Variants in NCAM2 observed in about 807,000 individuals in gnomAD.
NCAM2 encodes the protein neural cell adhesion molecule 2, also known as N-CAM-2.
Under a neutral mutation model 98.1 loss-of-function variants are expected in NCAM2, and 30 were observed. The ratio of observed to expected loss-of-function variants is 0.31; its 90% CI spans 0.23 to 0.41. The LOEUF is 0.41. Ranked by LOEUF, NCAM2 falls within the 10% of genes least tolerant of loss-of-function variation. NCAM2 has a pLI of 1.00. For missense variants in NCAM2, 867 were observed against 1,005.8 expected, an observed-to-expected ratio of 0.86 and a Z score of 1.87; for synonymous variants, 368 against 342.4, an observed-to-expected ratio of 1.07 and a Z score of -0.83.
chr21:21,147,390 G>A (rs765434623), intron 1 of NCAM2: 1 of 563,742 alleles, frequency 1.8e-6, no homozygotes, highest in Non-Finnish European at 2.2e-6. Flanking sequence ...GAGTGACTCA[G>A]TCACTTCACT....
intron 1 of NCAM2, among the ~76,000 whole-genome samples, chr21:21,161,360 T>C (rs180717241): frequency 2.1e-3 from 321 of 152,148 alleles, no homozygotes; most frequent in African/African-American, 7.4e-3. Flanking sequence ...TATTATTTCA[T>C]GTATTTGTTC....
At chr21:21,197,958 A>T (rs1189293545) in intron 1 of NCAM2, among the ~76,000 whole-genome samples, 1 of 152,146 alleles carries the variant, frequency 6.6e-6, no homozygotes, top group African/African-American at 2.4e-5. Context: ...ATGACTGGAG[A>T]TATAACCAGT....
At chr21:21,360,897 C>G (rs2075628530) in intron 8 of NCAM2, among the ~76,000 whole-genome samples, 1 of 151,986 alleles carries the variant, frequency 6.6e-6, no homozygotes. Flanking sequence ...GGTTCATTTT[C>G]TTGACCACTG....
Position 20,998,455 on chromosome 21 carries a change from G to A in NCAM2, c.-109G>A. The A allele has an allele frequency of 9.2e-7, 1 of 1,082,266 alleles. No individual in the cohort carries two copies. The highest frequency in any genetic ancestry group is 1.3e-6 in the Non-Finnish European group (1 of 758,242). 67.0% of individuals were successfully genotyped at this position (1,082,266 alleles called of 1,614,324 possible). ...GGGCTGCGGGCGGCTGGGGCACCGC[G>A]GGAGCGGCGGCGGCGGCTCTAGCAG... On this transcript the variant is annotated 5_prime_UTR_variant, in exon 1 of 18. Transcript: ENST00000400546.
chr21:21,290,937 C>T (rs370984579), intron 4 of NCAM2, among the ~76,000 whole-genome samples: 3 of 151,802 alleles, frequency 2.0e-5, no homozygotes, highest in East Asian at 1.9e-4. Context: ...ATCCTTTCCA[C>T]GATCAGGCTG....
At chr21:21,029,643 T>A (rs1316154267) in intron 1 of NCAM2, among the ~76,000 whole-genome samples, 1 of 152,150 alleles carries the variant, frequency 6.6e-6, no homozygotes, top group Non-Finnish European at 1.5e-5. Flanking sequence ...TTATTTTTTA[T>A]TTTTTTGAGA....
intron 1 of NCAM2, chr21:21,146,970 C>A: frequency 1.7e-6 from 1 of 595,192 alleles, no homozygotes; most frequent in Non-Finnish European, 2.1e-6. Context: ...CCTTCTACTC[C>A]GGAACTCAGA....
intron 4 of NCAM2, 36 bp downstream of exon 4, chr21:21,286,448 T>G (rs2073104876): frequency 1.6e-5 from 25 of 1,572,908 alleles, no homozygotes; most frequent in Non-Finnish European, 2.2e-5. Flanking sequence ...TTATATGTTC[T>G]AATACTATTG....
In NCAM2 at chr21:21,510,189, A is replaced by G. The variant is rs558076438; in HGVS notation, c.2282+1134A>G. 4.6e-5 allele frequency among the ~76,000 whole-genome samples: 7 copies of G among 152,306 alleles called. No individual in the cohort carries two copies. In the South Asian group the frequency reaches 1.2e-3, roughly 27 times the overall value. ...TACATACAGTCTAAAAGGTGTTTAC[A>G]TTTATGTAAGTAAAGCCACAGAATA... On this transcript the variant is annotated intron_variant, in intron 16 of 17. Transcript: ENST00000400546.
chr21:21,211,198 C>T (rs981979899), intron 1 of NCAM2, among the ~76,000 whole-genome samples: 8 of 152,168 alleles, frequency 5.3e-5, no homozygotes, highest in African/African-American at 1.9e-4. Context: ...CGAATACGAA[C>T]TTAGCAGTTC....
At chr21:21,423,011 A>G (rs2077142289) in intron 11 of NCAM2, among the ~76,000 whole-genome samples, 1 of 152,136 alleles carries the variant, frequency 6.6e-6, no homozygotes, top group African/African-American at 2.4e-5. Context: ...TCATTACCCT[A>G]CATTTTAAAT....
At position 21,538,028 on chromosome 21, in the gene NCAM2, A is replaced by C; in HGVS notation, c.*71A>C. 1 of 816,790 alleles carries C rather than the reference A, an allele frequency of 1.2e-6. No individual in the cohort carries two copies. The highest frequency in any genetic ancestry group is 1.9e-6 in the Non-Finnish European group (1 of 537,224). 50.6% of individuals were successfully genotyped at this position (816,790 alleles called of 1,614,324 possible). A position where few individuals can be genotyped will look rare whatever the true frequency, so the allele number is the denominator to read the frequency against. On this transcript the variant is annotated 3_prime_UTR_variant, in exon 18 of 18. Coordinates refer to ENST00000400546, the MANE Select transcript of NCAM2 (RefSeq NM_004540.5). Reference sequence around the variant, plus strand: ...ATTGCGTGACCCTATGACCAAAACTATTCCATTGACCTTAATTTCTTGGGA... The same window carrying C: ...ATTGCGTGACCCTATGACCAAAACTCTTCCATTGACCTTAATTTCTTGGGA...
chr21:21,239,999 C>T (rs1371934366), intron 1 of NCAM2, among the ~76,000 whole-genome samples: 1 of 151,994 alleles, frequency 6.6e-6, no homozygotes, highest in Non-Finnish European at 1.5e-5. Flanking sequence ...CTTTATGTTT[C>T]TGTCTCTTAA....
intron 4 of NCAM2, among the ~76,000 whole-genome samples, chr21:21,290,733 CT>C (rs1164379116): frequency 4.0e-5 from 6 of 151,796 alleles, no homozygotes; most frequent in Non-Finnish European, 5.9e-5. Flanking sequence ...CAACTACAGG[CT>C]TGTCCGTTTA....
chr21:21,335,714 C>G (rs1186811100), intron 7 of NCAM2, 49 bp downstream of exon 7: 1 of 1,378,244 alleles, frequency 7.3e-7, no homozygotes, highest in Non-Finnish European at 9.6e-7. Flanking sequence ...ATTGGAAGAT[C>G]AGAGTGAAAT....
intron 1 of NCAM2, among the ~76,000 whole-genome samples, chr21:21,169,129 A>C (rs1332847313): frequency 6.6e-6 from 1 of 152,120 alleles, no homozygotes; most frequent in Non-Finnish European, 1.5e-5. Flanking sequence ...CCAGAAGTAG[A>C]CCCACATCAT....
At chr21:21,174,317 T>C (rs1240082395) in intron 1 of NCAM2, among the ~76,000 whole-genome samples, 5 of 152,204 alleles carry the variant, frequency 3.3e-5, no homozygotes, top group African/African-American at 1.2e-4. Context: ...AAACACAAGA[T>C]GCCTAGTTAA....
chr21:21,415,397 G>T (rs536110223), intron 10 of NCAM2, among the ~76,000 whole-genome samples: 3 of 137,462 alleles, frequency 2.2e-5, no homozygotes, highest in Non-Finnish European at 4.6e-5. Flanking sequence ...GTGTAGTGGC[G>T]CGATCTCGGC....
At chr21:21,348,214 C>A (rs561736020) in intron 8 of NCAM2, among the ~76,000 whole-genome samples, 1 of 152,098 alleles carries the variant, frequency 6.6e-6, no homozygotes, top group East Asian at 1.9e-4. Flanking sequence ...TTGGAAAAAC[C>A]TAGAGACTTC....
Sources: allele counts gnomAD v4.1 joint callset (sites outside exome capture counted in the v4.1 genomes callset), GRCh38; gene constraint gnomAD v4.1.1; transcripts MANE v1.5; gene names NCBI Gene and HGNC (gene_info 2026-07-23, HGNC 2026-07-21).